Variants in ERCC8 observed in about 807,000 individuals in gnomAD.
ERCC8 encodes ERCC excision repair 8, CSA ubiquitin ligase complex subunit.
ERCC8 carries 52 observed loss-of-function variants against 54.9 expected under a neutral mutation model. That is an observed-to-expected ratio of 0.95 (90% CI 0.76 to 1.19). The LOEUF (loss-of-function observed/expected upper bound fraction) is 1.19, where lower values mean the gene tolerates loss of function less well. ERCC8 is among the 50% of genes most tolerant of loss of function. The pLI is 0.00. For synonymous variants in ERCC8, 146 were observed against 157.2 expected, an observed-to-expected ratio of 0.93 and a Z score of 0.53; for missense variants, 514 against 466.1, an observed-to-expected ratio of 1.10 and a Z score of -0.95.
chr5:60,895,225 T>C (rs1471061988), intron 9 of ERCC8, among the ~76,000 whole-genome samples: 1 of 151,244 alleles, frequency 6.6e-6, no homozygotes, highest in Non-Finnish European at 1.5e-5. Context: ...TAGATAAGTG[T>C]GTGTGTATGT....
intron 4 of ERCC8, chr5:60,909,697 T>C (rs1749197753): frequency 6.6e-6 from 1 of 152,504 alleles, no homozygotes; most frequent in African/African-American, 2.4e-5. Context: ...CTCACGCCTG[T>C]AATCCCAACA....
At chr5:60,896,826 G>A (rs562439309) in intron 9 of ERCC8, among the ~76,000 whole-genome samples, 2 of 152,130 alleles carry the variant, frequency 1.3e-5, no homozygotes, top group African/African-American at 4.8e-5. Flanking sequence ...AGAACCACAT[G>A]AACAATTTAT....
intron 7 of ERCC8, 49 bp from the exon 8 acceptor site, chr5:60,899,776 T>G: frequency 1.5e-6 from 2 of 1,336,270 alleles, no homozygotes; most frequent in Non-Finnish European, 2.2e-6. Context: ...GGACAATGAC[T>G]GTACCCCTCA....
At chr5:60,932,672 T>C (rs1274332928) in intron 1 of ERCC8, among the ~76,000 whole-genome samples, 1 of 150,536 alleles carries the variant, frequency 6.6e-6, no homozygotes, top group Non-Finnish European at 1.5e-5. Context: ...ATCTTGTATC[T>C]TTTCACTGTA....
intron 4 of ERCC8, among the ~76,000 whole-genome samples, chr5:60,916,103 AGTCTATG>A (rs1749427284): frequency 1.3e-5 from 2 of 152,078 alleles, no homozygotes; most frequent in African/African-American, 4.8e-5. Context: ...TCATTTCTTA[AGTCTATG>A]GTCTCGCATA....
At chr5:60,925,668 T>C (rs1284783839) in intron 2 of ERCC8, among the ~76,000 whole-genome samples, 2 of 152,320 alleles carry the variant, frequency 1.3e-5, no homozygotes, top group South Asian at 2.1e-4. Context: ...CAGTGGTTTG[T>C]TCCCACTTAT....
At position 60,874,701 on chromosome 5, in the gene ERCC8, A is replaced by G. The variant is rs1747947178; in HGVS notation, c.1123-18T>C. ...GTTGTAGTCTAAAAAAAAAAAAGAT[A>G]AAGAAAAAGGAAGATTCTGTTTTTT... On this transcript the variant is annotated intron_variant, in intron 11 of 11. Transcript: ENST00000676185. 1 of 1,590,490 alleles carries G rather than the reference A, an allele frequency of 6.3e-7. No homozygotes were observed.
At chr5:60,923,108 T>G (rs529209393) in intron 2 of ERCC8, among the ~76,000 whole-genome samples, 1 of 151,848 alleles carries the variant, frequency 6.6e-6, no homozygotes, top group Admixed American at 6.6e-5. Flanking sequence ...AGCCTTACTT[T>G]TGGGAGTAAA....
chr5:60,922,262 T>A, intron 2 of ERCC8, 107 bp from the exon 3 acceptor site: 1 of 684,850 alleles, frequency 1.5e-6, no homozygotes, highest in Non-Finnish European at 2.6e-6. Flanking sequence ...TCAAATGTAT[T>A]AAGGATACAT....
chr5:60,870,569 G>C lies in ERCC8; in HGVS notation c.*4046C>G, dbSNP rs1426606238. ...CCCAGCTGCTTGGGAGGCTGAGGCA[G>C]GAAAATTGCTTGAACCTGGGAAGCG... On this transcript the variant is annotated 3_prime_UTR_variant, in exon 12 of 12. Transcript: ENST00000676185. 6.6e-6 allele frequency among the ~76,000 whole-genome samples: 1 copy of C among 150,924 alleles called. No homozygotes were observed. Among genetic ancestry groups the C allele is most frequent in the African/African-American group, 2.4e-5 (1 of 41,072 alleles).
intron 10 of ERCC8, among the ~76,000 whole-genome samples, chr5:60,890,645 T>C (rs1443219822): frequency 6.6e-6 from 1 of 152,182 alleles, no homozygotes; most frequent in African/African-American, 2.4e-5. Flanking sequence ...GTTAAATAAA[T>C]GAAGGTCATA....
chr5:60,927,460 C>A (rs1177007025), intron 2 of ERCC8, among the ~76,000 whole-genome samples: 2 of 152,218 alleles, frequency 1.3e-5, no homozygotes, highest in Admixed American at 6.5e-5. Flanking sequence ...ATCACTGTAG[C>A]AAGAGTCTTC....
Position 60,925,294 on chromosome 5 carries a change from C to T in ERCC8, c.174-3139G>A, listed in dbSNP as rs895346917. Among the ~76,000 whole-genome samples the T allele has an allele frequency of 3.3e-5, 5 of 152,012 alleles. No homozygotes were observed. In the South Asian group the frequency reaches 8.3e-4, roughly 25 times the overall value. The stretch of plus-strand genomic sequence containing the variant: ...TTTCTGTTCACCTTTCCAATTTTAT[C>T]GGGGACATCTTTTTCCTTTGTTTCT... On this transcript the variant is annotated intron_variant, in intron 2 of 11. Transcript: ENST00000676185.
chr5:60,886,054 G>GTA (rs972549637), intron 11 of ERCC8, among the ~76,000 whole-genome samples: 14 of 148,768 alleles, frequency 9.4e-5, no homozygotes, highest in Admixed American at 3.3e-4. Flanking sequence ...AGAACTATAT[G>GTA]TATATATATA....
intron 2 of ERCC8, among the ~76,000 whole-genome samples, chr5:60,927,313 C>T (rs569754299): frequency 2.0e-5 from 3 of 152,244 alleles, no homozygotes; most frequent in East Asian, 1.9e-4. Flanking sequence ...ATATACACAT[C>T]GATTTTTTTA....
intron 11 of ERCC8, among the ~76,000 whole-genome samples, chr5:60,881,272 C>T (rs1579986007): frequency 6.6e-6 from 1 of 152,302 alleles, no homozygotes; most frequent in East Asian, 1.9e-4. Flanking sequence ...TCTGCCCCTA[C>T]TGGGGGGTGC....
intron 4 of ERCC8, among the ~76,000 whole-genome samples, chr5:60,910,282 A>C (rs1306516437): frequency 6.6e-6 from 1 of 152,146 alleles, no homozygotes; most frequent in Non-Finnish European, 1.5e-5. Context: ...CATTGCCTTC[A>C]CTAGTATAAC....
intron 1 of ERCC8, among the ~76,000 whole-genome samples, chr5:60,932,443 T>C (rs1749934983): frequency 6.6e-6 from 1 of 152,196 alleles, no homozygotes; most frequent in African/African-American, 2.4e-5. Flanking sequence ...TTTTGGTACA[T>C]GCTAGATAGA....
rs4647153 is a variant in ERCC8 at position 60,874,378 on chromosome 5, A to G, written c.*237T>C. On this transcript the variant is annotated 3_prime_UTR_variant, in exon 12 of 12. Coordinates refer to ENST00000676185, the MANE Select transcript of ERCC8 (RefSeq NM_000082.4). ...GACTTGTGTTACTTGTACTGTAGCA[A>G]TGAGGGCTTTCCCAGGCCACAACAT... 0.012 allele frequency: 5,722 copies of G among 495,818 alleles called. 53 individuals are homozygous for G. The highest frequency in any genetic ancestry group is 0.027 in the South Asian group (1,080 of 39,698). The allele number at this position is 495,818 out of a possible 1,614,324, so 30.7% of individuals were successfully genotyped here. A position where few individuals can be genotyped will look rare whatever the true frequency, so the allele number is the denominator to read the frequency against.
Sources: allele counts gnomAD v4.1 joint callset (sites outside exome capture counted in the v4.1 genomes callset), GRCh38; gene constraint gnomAD v4.1.1; transcripts MANE v1.5; gene names NCBI Gene and HGNC (gene_info 2026-07-23, HGNC 2026-07-21).